The following STK3 variants were observed in gnomAD, a reference collection of about 807,000 sequenced individuals.
STK3 encodes serine/threonine kinase 3.
In STK3, 41 loss-of-function variants were observed where a neutral mutation model predicts 58.0. That is an observed-to-expected ratio of 0.71 (90% CI 0.55 to 0.92). The LOEUF (loss-of-function observed/expected upper bound fraction) is 0.92. Among genes scored for constraint, STK3 ranks in the 40% least tolerant of loss-of-function variants. STK3 has a pLI of 0.00. For synonymous variants in STK3, 170 were observed against 191.0 expected, an observed-to-expected ratio of 0.89 and a Z score of 0.91; for missense variants, 479 against 602.7, an observed-to-expected ratio of 0.79 and a Z score of 2.15.
intron 10 of STK3, among the ~76,000 whole-genome samples, chr8:98,502,263 G>C (rs1015615944): frequency 6.6e-6 from 1 of 152,208 alleles, no homozygotes; most frequent in Non-Finnish European, 1.5e-5. Context: ...TTTGTATCCT[G>C]AGATTTTGCT....
At chr8:98,897,004 AT>A (rs889203745) in intron 1 of STK3, among the ~76,000 whole-genome samples, 8 of 143,472 alleles carry the variant, frequency 5.6e-5, no homozygotes, top group South Asian at 4.3e-4. Context: ...CAATAAAAAA[AT>A]AAAAGAAAAG....
In STK3 at chr8:98,821,370, C is replaced by T. The variant is rs145598005; in HGVS notation, c.26+4145G>A. Among the ~76,000 whole-genome samples the T allele has an allele frequency of 1.6e-4, 24 of 152,202 alleles. No homozygotes were observed. In the East Asian group the frequency reaches 3.7e-3, roughly 23 times the overall value. On this transcript the variant is annotated intron_variant, in intron 1 of 10. Coordinates refer to ENST00000419617, the MANE Select transcript of STK3 (RefSeq NM_006281.4). ...CCATCTGTGCAAAAATTGTTTCCCA[C>T]GAGACTGGTCCCTGGTGCCAAAATG...
chr8:98,913,525 T>C (rs959126366), intron 1 of STK3, among the ~76,000 whole-genome samples: 1 of 152,232 alleles, frequency 6.6e-6, no homozygotes, highest in African/African-American at 2.4e-5. Context: ...ACACACACAC[T>C]TGCTGTGCAA....
chr8:98,714,309 G>A (rs1446416266), intron 4 of STK3, among the ~76,000 whole-genome samples: 1 of 152,138 alleles, frequency 6.6e-6, no homozygotes, highest in South Asian at 2.1e-4. Context: ...GAAATTAAGG[G>A]TATTCAATTA....
At chr8:98,738,725 C>A (rs916273055) in intron 4 of STK3, among the ~76,000 whole-genome samples, 1 of 152,162 alleles carries the variant, frequency 6.6e-6, no homozygotes, top group South Asian at 2.1e-4. Context: ...CTAGAGAGTG[C>A]CAGACAGTGG....
intron 2 of STK3, among the ~76,000 whole-genome samples, chr8:98,771,590 A>G (rs1042948385): frequency 6.6e-6 from 1 of 151,496 alleles, no homozygotes; most frequent in Non-Finnish European, 1.5e-5. Flanking sequence ...TTTGAGACAG[A>G]GTCATGCTGT....
intron 8 of STK3, among the ~76,000 whole-genome samples, chr8:98,549,125 A>G (rs1036907570): frequency 8.5e-5 from 13 of 152,198 alleles, no homozygotes; most frequent in African/African-American, 3.1e-4. Context: ...GTATCTACCT[A>G]GAAGTACAAT....
At chr8:98,748,019 T>C (rs547128288) in intron 4 of STK3, among the ~76,000 whole-genome samples, 18 of 152,338 alleles carry the variant, frequency 1.2e-4, no homozygotes, top group Non-Finnish European at 2.4e-4. Flanking sequence ...GTTGTAATTA[T>C]TGGCAACAAG....
At chr8:98,921,995 A>G (rs1006131615) in intron 1 of STK3, among the ~76,000 whole-genome samples, 7 of 152,132 alleles carry the variant, frequency 4.6e-5, no homozygotes, top group Admixed American at 3.9e-4. Context: ...CGCCCGGCCT[A>G]TCAACAGTCA....
At chr8:98,515,460 G>T (rs1251736711) in intron 10 of STK3, among the ~76,000 whole-genome samples, 1 of 152,098 alleles carries the variant, frequency 6.6e-6, no homozygotes, top group Non-Finnish European at 1.5e-5. Context: ...ACCTCGGCCT[G>T]CTCCATGTCT....
chr8:98,640,353 A>G (rs1819927056), intron 6 of STK3, among the ~76,000 whole-genome samples: 1 of 152,182 alleles, frequency 6.6e-6, no homozygotes, highest in African/African-American at 2.4e-5. Flanking sequence ...CCTGACCTCC[A>G]TATTCATTTT....
chr8:98,934,464 A>G (rs1311279496), intron 1 of STK3, among the ~76,000 whole-genome samples: 1 of 152,242 alleles, frequency 6.6e-6, no homozygotes, highest in African/African-American at 2.4e-5. Context: ...GCCACAACTA[A>G]GAGTGAACAA....
chr8:98,856,242 G>T (rs1268321971), intron 3 of STK3, among the ~76,000 whole-genome samples: 1 of 150,922 alleles, frequency 6.6e-6, no homozygotes, highest in Non-Finnish European at 1.5e-5. Context: ...GTCTCAACCT[G>T]GGAGGTGGAG....
At chr8:98,347,340 C>T in the STK3 span, among the ~76,000 whole-genome samples, 1 of 151,692 alleles carries the variant, frequency 6.6e-6, no homozygotes, top group African/African-American at 2.4e-5. Context: ...CGGTGAAACC[C>T]CGTCTCTACT....
At chr8:98,619,427 A>G (rs1360932577) in intron 6 of STK3, among the ~76,000 whole-genome samples, 1 of 149,682 alleles carries the variant, frequency 6.7e-6, no homozygotes, top group African/African-American at 2.5e-5. Context: ...TGTCCAAAAC[A>G]CCAAAAGCAA....
Position 98,581,692 on chromosome 8 carries a change from A to G in STK3, c.823-1903T>C, listed in dbSNP as rs1586918015. ...GGTTTTTATTTCTAGTTTGTGTCCAATGTTGTTTCTGGGTTGTTGGCTTCT... is the reference window on the plus strand; with the variant it reads ...GGTTTTTATTTCTAGTTTGTGTCCAGTGTTGTTTCTGGGTTGTTGGCTTCT... On this transcript the variant is annotated intron_variant, in intron 7 of 10. Coordinates refer to ENST00000419617, the MANE Select transcript of STK3 (RefSeq NM_006281.4). 4.0e-5 allele frequency among the ~76,000 whole-genome samples: 6 copies of G among 151,302 alleles called. No homozygotes were observed. In the South Asian group the frequency reaches 1.3e-3, roughly 32 times the overall value.
At chr8:98,640,735 T>C (rs536156172) in intron 6 of STK3, among the ~76,000 whole-genome samples, 1 of 151,898 alleles carries the variant, frequency 6.6e-6, no homozygotes, top group Admixed American at 6.6e-5. Context: ...AAATACAGTA[T>C]ACCTAACAAA....
chr8:98,358,669 TGTTGACTCAGAGGA>T, the STK3 span, among the ~76,000 whole-genome samples: 2 of 152,012 alleles, frequency 1.3e-5, no homozygotes, highest in Non-Finnish European at 2.9e-5. Context: ...TAGCTTCGTG[TGTTGACTCAGAGGA>T]AAGGTAGGCA....
Position 98,428,156 on chromosome 8 carries a change from C to T in STK3, n.483+5971G>A. The T allele has an allele frequency of 1.2e-6, 2 of 1,614,050 alleles. No homozygotes were observed. Among genetic ancestry groups the T allele is most frequent in the Admixed American group, 1.7e-5 (1 of 60,026 alleles). On this transcript the variant is annotated intron_variant and non_coding_transcript_variant, in intron 3 of 3. Transcript: ENST00000517832. The surrounding 1 kb of genome is among the most constrained non-coding windows in gnomAD (Gnocchi z 6.7). ...CGCGCGAGGCCATTCTGGAGCTCTG[C>T]GATGACTACGACGACGTCCAGCGGG... is the stretch of plus-strand genomic sequence containing the variant.
Sources: gnomAD v4.1 joint callset for allele counts (sites outside exome capture counted in the v4.1 genomes callset) on GRCh38, gnomAD v4.1.1 for gene constraint, Gnocchi (gnomAD v3.1) non-coding constraint, MANE v1.5 for transcripts, NCBI Gene and HGNC (gene_info 2026-07-23, HGNC 2026-07-21) for gene names.